Variants in MROH2B observed in about 807,000 individuals in gnomAD.
MROH2B encodes the protein maestro heat-like repeat-containing protein family member 2B.
Under a neutral mutation model 208.6 loss-of-function variants are expected in MROH2B, and 177 were observed. The observed-to-expected ratio is 0.85, with a 90% CI of 0.75 to 0.96. The LOEUF is 0.96. Among genes scored for constraint, MROH2B ranks in the 40% least tolerant of loss-of-function variants. MROH2B has a pLI of 0.00. For synonymous variants in MROH2B, 728 were observed against 659.0 expected (o/e 1.10, Z -1.60); for missense variants, 2,002 against 1,878.7 (o/e 1.07, Z -1.21).
Position 41,005,531 on chromosome 5 carries a change from C to T in MROH2B, c.3864G>A (p.Glu1288=), listed in dbSNP as rs1741558067. ...YRITGAAFFS[E]LMKEPILWKH... is the part of the protein sequence containing the mutation. Reference sequence around the variant, plus strand: ...TGCTCTGAGGGCTGTTCTCCCTTGCCTCAGAGAAGAAAGCTGCGCCGGTTA... The same window carrying T: ...TGCTCTGAGGGCTGTTCTCCCTTGCTTCAGAGAAGAAAGCTGCGCCGGTTA... Residue 1288 remains glutamate (E), a splice_region_variant and synonymous_variant, in exon 35 of 42, where the codon GAG becomes GAA. Transcript: ENST00000399564. 1 of 1,594,378 alleles carries T rather than the reference C, an allele frequency of 6.3e-7. No individual in the cohort carries two copies. The highest frequency in any genetic ancestry group is 8.5e-7 in the Non-Finnish European group (1 of 1,170,072).
intron 39 of MROH2B, 122 bp from the exon 40 acceptor site, chr5:40,999,901 A>C: frequency 1.2e-6 from 1 of 839,120 alleles, no homozygotes; most frequent in Non-Finnish European, 1.9e-6. Flanking sequence ...GCCATAAATT[A>C]ATTGGCTGAA....
At chr5:41,064,263 A>G (rs1195638431) in intron 5 of MROH2B, among the ~76,000 whole-genome samples, 2 of 152,170 alleles carry the variant, frequency 1.3e-5, no homozygotes. Flanking sequence ...CAATGGGCAA[A>G]TAGTACTTAT....
At chr5:41,002,922 C>G (rs1268175750) in intron 37 of MROH2B, among the ~76,000 whole-genome samples, 1 of 151,688 alleles carries the variant, frequency 6.6e-6, no homozygotes, top group Non-Finnish European at 1.5e-5. Flanking sequence ...TTATTTTTAC[C>G]CCAGTAAGCA....
At chr5:41,018,563 C>G in intron 26 of MROH2B, 128 bp downstream of exon 26, 1 of 1,406,038 alleles carries the variant, frequency 7.1e-7, no homozygotes, top group African/African-American at 1.4e-5. Flanking sequence ...AAGTAGATGG[C>G]TGTATGTGGG....
chr5:41,042,588 A>G (rs1246675223), intron 18 of MROH2B, among the ~76,000 whole-genome samples: 1 of 152,134 alleles, frequency 6.6e-6, no homozygotes, highest in Non-Finnish European at 1.5e-5. Context: ...CATGCTCAAT[A>G]AAAAGAGGGT....
chr5:41,032,941 T>C (rs547059480), intron 23 of MROH2B, 100 bp downstream of exon 23: 236 of 1,561,890 alleles, frequency 1.5e-4, no homozygotes, highest in Non-Finnish European at 2.0e-4. Flanking sequence ...AGATCTGTTA[T>C]GTGGGACTGG....
rs1173920677 is a variant in MROH2B at position 41,007,460 on chromosome 5, G to A, written c.3609-6C>T. 1.3e-6 allele frequency: 2 copies of A among 1,558,038 alleles called. No homozygotes were observed. The highest frequency in any genetic ancestry group is 8.7e-7 in the Non-Finnish European group (1 of 1,154,738). ...TTAAAGTAGCAGTTGAAAGCCTAAAGGAGACAGTCAGCATTACAAAACTAA... is the reference window on the plus strand; with the variant it reads ...TTAAAGTAGCAGTTGAAAGCCTAAAAGAGACAGTCAGCATTACAAAACTAA... On this transcript the variant is annotated splice_polypyrimidine_tract_variant and splice_region_variant and intron_variant, in intron 33 of 41. Coordinates refer to ENST00000399564, the MANE Select transcript of MROH2B (RefSeq NM_173489.5).
chr5:41,030,171 C>T (rs1311368070), intron 24 of MROH2B, among the ~76,000 whole-genome samples: 1 of 151,840 alleles, frequency 6.6e-6, no homozygotes, highest in South Asian at 2.1e-4. Flanking sequence ...AGACATTTCT[C>T]CAAAAAAGAT....
chr5:41,034,508 T>C (rs953761007), intron 21 of MROH2B, among the ~76,000 whole-genome samples: 1 of 152,096 alleles, frequency 6.6e-6, no homozygotes, highest in Non-Finnish European at 1.5e-5. Context: ...GCCTTTCCCA[T>C]CCAAATCTGG....
Position 41,046,721 on chromosome 5 carries a change from G to GA in MROH2B, c.1729-869dup, listed in dbSNP as rs200178976. 6.4e-4 allele frequency among the ~76,000 whole-genome samples: 96 copies of GA among 150,854 alleles called. 1 individual carries two copies. Among genetic ancestry groups the GA allele is most frequent in the East Asian group, 5.6e-3 (29 of 5,140 alleles). On this transcript the variant is annotated intron_variant, in intron 17 of 41. Coordinates refer to ENST00000399564, the MANE Select transcript of MROH2B (RefSeq NM_173489.5). ...GAACTGTTGTCAAGACTTCCTACTA[G>GA]AAAAAAAAATATTTTTCTCCCTAGT... is the stretch of plus-strand genomic sequence containing the variant.
chr5:41,056,297 G>T (rs1158654805), intron 9 of MROH2B, among the ~76,000 whole-genome samples: 1 of 152,128 alleles, frequency 6.6e-6, no homozygotes. Context: ...GTGAAAAAAG[G>T]CCTGGTTGGA....
intron 37 of MROH2B, among the ~76,000 whole-genome samples, chr5:41,001,137 G>C (rs1561271171): frequency 6.6e-6 from 1 of 152,176 alleles, no homozygotes; most frequent in African/African-American, 2.4e-5. Flanking sequence ...ATGATACACA[G>C]GGGTACTCAT....
At chr5:41,011,711 A>T (rs887656137) in intron 30 of MROH2B, among the ~76,000 whole-genome samples, 1 of 150,118 alleles carries the variant, frequency 6.7e-6, no homozygotes, top group African/African-American at 2.5e-5. Flanking sequence ...TCTATTGCCC[A>T]GGCTGGAGTG....
intron 13 of MROH2B, 22 bp downstream of exon 13, chr5:41,050,955 G>A (rs756350746): frequency 1.2e-5 from 18 of 1,468,648 alleles, no homozygotes; most frequent in South Asian, 5.1e-5. Context: ...GTAACTGTAA[G>A]TGGTGACAAA....
intron 1 of MROH2B, 119 bp downstream of exon 1, chr5:41,070,706 T>G: frequency 1.1e-6 from 1 of 937,550 alleles, no homozygotes; most frequent in Non-Finnish European, 1.6e-6. Context: ...CATAAATCCT[T>G]TGAGGTGTAC....
chr5:41,005,690 G>A (rs193232592), intron 34 of MROH2B, 45 bp from the exon 35 acceptor site: 13 of 1,415,262 alleles, frequency 9.2e-6, no homozygotes, highest in Admixed American at 5.8e-5. Context: ...ACTAAACAAT[G>A]GAGGAAATCT....
intron 21 of MROH2B, among the ~76,000 whole-genome samples, chr5:41,037,975 A>G (rs1742816527): frequency 6.6e-6 from 1 of 152,178 alleles, no homozygotes; most frequent in African/African-American, 2.4e-5. Flanking sequence ...GGAAGACAGA[A>G]TGATCAGATA....
intron 31 of MROH2B, 122 bp downstream of exon 31, chr5:41,009,800 G>T: frequency 1.1e-6 from 1 of 915,586 alleles, no homozygotes; most frequent in Non-Finnish European, 1.6e-6. Flanking sequence ...TTGTTAAATT[G>T]TTATTCAGAT....
intron 24 of MROH2B, 36 bp from the exon 25 acceptor site, chr5:41,019,054 A>C: frequency 6.2e-7 from 1 of 1,612,700 alleles, no homozygotes; most frequent in South Asian, 1.1e-5. Flanking sequence ...TGGATATTAC[A>C]GTGACCATCA....
Sources: gnomAD v4.1 joint callset for allele counts (sites outside exome capture counted in the v4.1 genomes callset) on GRCh38, gnomAD v4.1.1 for gene constraint, MANE v1.5 for transcripts, NCBI Gene and HGNC (gene_info 2026-07-23, HGNC 2026-07-21) for gene names.